C1QTNF3: variants seen among roughly 807,000 people sequenced by gnomAD.
C1QTNF3 encodes complement C1q tumor necrosis factor-related protein 3.
Under a neutral mutation model 32.6 loss-of-function variants are expected in C1QTNF3, and 26 were observed. The ratio of observed to expected loss-of-function variants is 0.80; its 90% CI spans 0.58 to 1.11. The LOEUF (loss-of-function observed/expected upper bound fraction) is 1.11, where lower values mean the gene tolerates loss of function less well. C1QTNF3 is among the 50% of genes least tolerant of loss of function. The pLI is 0.00. For missense variants in C1QTNF3, 362 were observed against 398.2 expected (o/e 0.91, Z 0.77); for synonymous variants, 155 against 146.0 (o/e 1.06, Z -0.44).
chr5:34,214,972 T>G, the C1QTNF3 span, among the ~76,000 whole-genome samples: 55 of 152,318 alleles, frequency 3.6e-4, 1 homozygote, highest in South Asian at 0.011. Flanking sequence ...AGACAATTGT[T>G]ATCAAAGCCA....
At chr5:34,116,908 T>C in the C1QTNF3 span, among the ~76,000 whole-genome samples, 4 of 152,178 alleles carry the variant, frequency 2.6e-5, no homozygotes, top group Non-Finnish European at 5.9e-5. Context: ...CTAGCAACAT[T>C]TTTAAAGTTT....
the C1QTNF3 span, among the ~76,000 whole-genome samples, chr5:34,081,829 T>C: frequency 4.6e-5 from 7 of 151,706 alleles, no homozygotes; most frequent in Non-Finnish European, 7.4e-5. Context: ...ATTTCCAAAA[T>C]TATTCAGGAA....
At chr5:34,123,446 C>T in the C1QTNF3 span, among the ~76,000 whole-genome samples, 9 of 151,986 alleles carry the variant, frequency 5.9e-5, no homozygotes, top group Non-Finnish European at 5.9e-5. Flanking sequence ...TAGTTCCTTG[C>T]ATGTCATCTC....
chr5:34,220,141 C>T, the C1QTNF3 span, among the ~76,000 whole-genome samples: 1 of 152,034 alleles, frequency 6.6e-6, no homozygotes, highest in Admixed American at 6.6e-5. Flanking sequence ...ATGCACTACA[C>T]AAAGCAAACA....
At chr5:34,060,277 C>T in the C1QTNF3 span, among the ~76,000 whole-genome samples, 1 of 152,120 alleles carries the variant, frequency 6.6e-6, no homozygotes, top group Non-Finnish European at 1.5e-5. Context: ...AGTGCAAACA[C>T]CTTAGAGTGT....
At chr5:34,224,818 A>C in the C1QTNF3 span, among the ~76,000 whole-genome samples, 9 of 152,140 alleles carry the variant, frequency 5.9e-5, no homozygotes, top group African/African-American at 1.9e-4. Flanking sequence ...TCATTAAACT[A>C]AAGAGCTTCT....
the C1QTNF3 span, among the ~76,000 whole-genome samples, chr5:34,227,677 C>T: frequency 6.6e-6 from 1 of 151,932 alleles, no homozygotes; most frequent in Non-Finnish European, 1.5e-5. Flanking sequence ...TCAACTCTTT[C>T]ATTCTACTGG....
chr5:34,101,768 C>A, the C1QTNF3 span, among the ~76,000 whole-genome samples: 1 of 152,084 alleles, frequency 6.6e-6, no homozygotes, highest in Non-Finnish European at 1.5e-5. Flanking sequence ...ATTAGGCCAG[C>A]CTCTTTGATC....
chr5:34,102,590 T>C, the C1QTNF3 span, among the ~76,000 whole-genome samples: 1 of 151,898 alleles, frequency 6.6e-6, no homozygotes, highest in Non-Finnish European at 1.5e-5. Context: ...AGAAAAAATG[T>C]AAAATATAAT....
the C1QTNF3 span, among the ~76,000 whole-genome samples, chr5:34,214,147 A>C: frequency 6.6e-6 from 1 of 151,980 alleles, no homozygotes; most frequent in South Asian, 2.1e-4. Context: ...TAACTTTTAA[A>C]ATCAACCACA....
chr5:34,028,478 A>C (rs1216475553), intron 4 of C1QTNF3, among the ~76,000 whole-genome samples: 1 of 152,218 alleles, frequency 6.6e-6, no homozygotes, highest in Non-Finnish European at 1.5e-5. Context: ...AGTTAATAAT[A>C]TTAATGACTA....
At chr5:34,063,174 G>C in the C1QTNF3 span, among the ~76,000 whole-genome samples, 1 of 152,098 alleles carries the variant, frequency 6.6e-6, no homozygotes, top group South Asian at 2.1e-4. Context: ...GGATTTTAAA[G>C]GAATGGGGTA....
the C1QTNF3 span, among the ~76,000 whole-genome samples, chr5:34,075,876 GGTGTGTGTGTGTGT>G: frequency 3.7e-4 from 54 of 146,946 alleles, 2 homozygotes; most frequent in African/African-American, 1.4e-3. Flanking sequence ...AAACAATTAT[GGTGTGTGTGTGTGT>G]GTGTGTGTGT....
chr5:34,035,258 G>A (rs970920344), intron 2 of C1QTNF3, among the ~76,000 whole-genome samples: 13 of 152,218 alleles, frequency 8.5e-5, no homozygotes, highest in Non-Finnish European at 1.8e-4. Context: ...AGTGGCATGA[G>A]AGTCAACTGA....
chr5:34,155,252 A>C, the C1QTNF3 span, among the ~76,000 whole-genome samples: 10 of 152,220 alleles, frequency 6.6e-5, no homozygotes, highest in Admixed American at 1.3e-4. Context: ...AAAGGGACAG[A>C]AAATGAGAAT....
the C1QTNF3 span, among the ~76,000 whole-genome samples, chr5:34,055,570 A>G: frequency 1.3e-5 from 2 of 152,240 alleles, no homozygotes; most frequent in Non-Finnish European, 2.9e-5. Flanking sequence ...TGTTCTGCCT[A>G]TGGGTTCAGG....
the C1QTNF3 span, among the ~76,000 whole-genome samples, chr5:34,207,421 A>C: frequency 1.3e-5 from 2 of 152,162 alleles, no homozygotes; most frequent in East Asian, 3.9e-4. Context: ...ATCAGGTAAC[A>C]TGAGTGAGAA....
chr5:34,046,299 G>C (rs1754985305), upstream of C1QTNF3, among the ~76,000 whole-genome samples: 1 of 152,118 alleles, frequency 6.6e-6, no homozygotes, highest in Non-Finnish European at 1.5e-5. Flanking sequence ...ATGAATTGCT[G>C]TTTGCTCAAA....
At chr5:34,244,093 CTT>C in the C1QTNF3 span, among the ~76,000 whole-genome samples, 1 of 147,934 alleles carries the variant, frequency 6.8e-6, no homozygotes, top group Admixed American at 6.6e-5. Flanking sequence ...TTCATAGTCT[CTT>C]ATGTCATTTT....
Sources: allele counts gnomAD v4.1 joint callset (sites outside exome capture counted in the v4.1 genomes callset), GRCh38; gene constraint gnomAD v4.1.1; transcripts MANE v1.5; gene names NCBI Gene and HGNC (gene_info 2026-07-23, HGNC 2026-07-21).